The following NEDD9 variants were observed in gnomAD, a reference collection of about 807,000 sequenced individuals.
NEDD9 encodes the protein enhancer of filamentation 1.
In NEDD9, 26 loss-of-function variants were observed where a neutral mutation model predicts 76.6. The ratio of observed to expected loss-of-function variants is 0.34; its 90% CI spans 0.25 to 0.47. The LOEUF is 0.47. Among genes scored for constraint, NEDD9 ranks in the 20% least tolerant of loss-of-function variants. NEDD9 has a pLI of 1.00. For missense variants in NEDD9, 937 were observed against 1,058.5 expected, an observed-to-expected ratio of 0.89 and a Z score of 1.59; for synonymous variants, 392 against 414.2, an observed-to-expected ratio of 0.95 and a Z score of 0.65.
chr6:11,375,953 TA>T, intron 1 of NEDD9, among the ~76,000 whole-genome samples: 1 of 152,250 alleles, frequency 6.6e-6, no homozygotes. Context: ...GCCTCCTGAG[TA>T]GCTGGGACTA....
At chr6:11,283,091 G>A (rs1210557926) in intron 3 of NEDD9, among the ~76,000 whole-genome samples, 1 of 152,206 alleles carries the variant, frequency 6.6e-6, no homozygotes, top group Non-Finnish European at 1.5e-5. Flanking sequence ...TACCTGGAAT[G>A]TTCTACTAGC....
intron 2 of NEDD9, among the ~76,000 whole-genome samples, chr6:11,197,075 G>GA (rs1377669239): frequency 6.6e-6 from 1 of 152,098 alleles, no homozygotes; most frequent in Non-Finnish European, 1.5e-5. Context: ...CAGAACTGCT[G>GA]AATTTCAGCT....
chr6:11,197,782 G>C (rs1162037524), intron 2 of NEDD9, among the ~76,000 whole-genome samples: 2 of 152,166 alleles, frequency 1.3e-5, no homozygotes, highest in Admixed American at 6.5e-5. Context: ...TCAGATCCTG[G>C]CGGCATGAGT....
Position 11,358,065 on chromosome 6 carries a change from T to C in NEDD9, c.-213-23504A>G, listed in dbSNP as rs1332262153. 2.0e-5 allele frequency among the ~76,000 whole-genome samples: 3 copies of C among 152,044 alleles called. No homozygotes were observed. The South Asian group carries it at 6.2e-4, about 32-fold the overall frequency. On this transcript the variant is annotated intron_variant, in intron 1 of 3. Transcript: ENST00000397378. Reference sequence around the variant, plus strand: ...GAGATCGAGATCATCCTGGCCAACATGGTGAAACCCCGTCTCTACTAAAAT... The same window carrying C: ...GAGATCGAGATCATCCTGGCCAACACGGTGAAACCCCGTCTCTACTAAAAT...
intron 1 of NEDD9, among the ~76,000 whole-genome samples, chr6:11,359,747 T>C (rs1291070616): frequency 6.6e-6 from 1 of 152,180 alleles, no homozygotes; most frequent in African/African-American, 2.4e-5. Flanking sequence ...AGGAAACCCA[T>C]CCTATAAGAT....
At position 11,190,694 on chromosome 6, in the gene NEDD9, A is replaced by G; in HGVS notation, c.1175T>C (p.Leu392Pro). 6.2e-7 allele frequency: 1 copy of G among 1,614,144 alleles called. No homozygotes were observed. The change falls in exon 5 of 7, where the codon CTG becomes CCG. Residue 392 changes from leucine to proline, a missense_variant. Physicochemically the swap from Leu to Pro is moderately conservative, Grantham distance 98. Coordinates refer to ENST00000379446, the MANE Select transcript of NEDD9 (RefSeq NM_006403.4). The surrounding 1 kb of genome is among the most constrained non-coding windows in gnomAD (Gnocchi z 5.8). ...TTTGTCCTGAGCTGGGGAGGCTGAC[A>G]GTGAGGACTCCTTGGAGGAGGTGGA... ...TSSTSSKESSLSASPAQDKRL... is the reference protein window; with the variant it reads ...TSSTSSKESSPSASPAQDKRL...
intron 1 of NEDD9, among the ~76,000 whole-genome samples, chr6:11,354,834 G>A (rs1178129003): frequency 2.6e-5 from 4 of 152,088 alleles, no homozygotes; most frequent in Non-Finnish European, 5.9e-5. Context: ...TTCATCCTAG[G>A]GACTTTTACA....
chr6:11,233,194 G>T (rs769414347), upstream of NEDD9: 17 of 515,004 alleles, frequency 3.3e-5, no homozygotes, highest in East Asian at 1.1e-4. Context: ...CCTACTTTTT[G>T]TGTGTGTGTG....
At chr6:11,233,261 C>T (rs767249751), upstream of NEDD9, 16 of 518,834 alleles carry the variant, frequency 3.1e-5, no homozygotes, top group Non-Finnish European at 3.8e-6. Context: ...TGTCAGTCTG[C>T]AAGGAGCTGG....
intron 3 of NEDD9, among the ~76,000 whole-genome samples, chr6:11,293,760 A>G (rs1760827875): frequency 6.6e-6 from 1 of 152,190 alleles, no homozygotes; most frequent in South Asian, 2.1e-4. Flanking sequence ...GTAACTGAAA[A>G]TGTGTACTCT....
At chr6:11,289,548 G>A (rs1002884893) in intron 3 of NEDD9, among the ~76,000 whole-genome samples, 14 of 152,142 alleles carry the variant, frequency 9.2e-5, no homozygotes, top group African/African-American at 3.4e-4. Flanking sequence ...CACCTCCCGG[G>A]TTCACGCCAT....
chr6:11,249,130 G>T, intron 3 of NEDD9: 1 of 455,996 alleles, frequency 2.2e-6, no homozygotes, highest in South Asian at 1.5e-5. Flanking sequence ...TTTTTGGGAG[G>T]AGACTTACAT....
At chr6:11,229,325 G>A (rs953485506) in intron 1 of NEDD9, among the ~76,000 whole-genome samples, 27 of 152,228 alleles carry the variant, frequency 1.8e-4, no homozygotes, top group African/African-American at 6.3e-4. Context: ...CCACAAAAGC[G>A]TCTCTGCTCA....
intron 3 of NEDD9, among the ~76,000 whole-genome samples, chr6:11,284,631 G>A (rs966771682): frequency 4.0e-5 from 6 of 151,298 alleles, no homozygotes; most frequent in Non-Finnish European, 5.9e-5. Flanking sequence ...GTTCAGCTTC[G>A]GTTATTCAAA....
In NEDD9 at chr6:11,361,469, C is replaced by A. The variant is rs1561847633; in HGVS notation, c.-214+20670G>T. ...GAGAGACAGACAGAGTGTCAAGGGGCAGGGGGGAGGTACCATACACTTTTA... is the reference window on the plus strand; with the variant it reads ...GAGAGACAGACAGAGTGTCAAGGGGAAGGGGGGAGGTACCATACACTTTTA... On this transcript the variant is annotated intron_variant, in intron 1 of 3. Coordinates refer to the NEDD9 transcript ENST00000397378. 2.0e-5 allele frequency among the ~76,000 whole-genome samples: 3 copies of A among 151,974 alleles called. No homozygotes were observed. The East Asian group carries it at 5.8e-4, about 29-fold the overall frequency.
chr6:11,305,790 G>T, intron 3 of NEDD9: 1 of 610,932 alleles, frequency 1.6e-6, no homozygotes. Flanking sequence ...AGGATGCCCT[G>T]TGGGCATCAG....
chr6:11,301,723 A>G (rs1406755775), intron 3 of NEDD9, among the ~76,000 whole-genome samples: 1 of 152,206 alleles, frequency 6.6e-6, no homozygotes, highest in African/African-American at 2.4e-5. Context: ...ACTCAAAACC[A>G]CACAACTACA....
chr6:11,213,908 A>C lies in NEDD9; in HGVS notation c.13-181T>G, dbSNP rs1758867536. On this transcript the variant is annotated intron_variant, in intron 1 of 6. Transcript: ENST00000379446. The surrounding 1 kb of genome is among the most constrained non-coding windows in gnomAD (Gnocchi z 5.4). ...CAAAAGACAGATACATATACACTGC[A>C]TCTGCCACCAGTGACATCAGACTGC... Among the ~76,000 whole-genome samples the C allele has an allele frequency of 6.6e-6, 1 of 152,262 alleles. No individual in the cohort carries two copies. The highest frequency in any genetic ancestry group is 6.5e-5 in the Admixed American group (1 of 15,290).
intron 1 of NEDD9, among the ~76,000 whole-genome samples, chr6:11,348,228 G>A (rs1459835397): frequency 6.6e-6 from 1 of 152,178 alleles, no homozygotes; most frequent in Non-Finnish European, 1.5e-5. Flanking sequence ...AACCACGGAG[G>A]TGAAAGATCT....
Sources: gnomAD v4.1 joint callset for allele counts (sites outside exome capture counted in the v4.1 genomes callset) on GRCh38, gnomAD v4.1.1 for gene constraint, Gnocchi (gnomAD v3.1) non-coding constraint, MANE v1.5 for transcripts, NCBI Gene and HGNC (gene_info 2026-07-23, HGNC 2026-07-21) for gene names.